Variants in PRELID3A observed in about 807,000 individuals in gnomAD.
PRELID3A encodes PRELI domain containing protein 3A.
In PRELID3A, 27 loss-of-function variants were observed where a neutral mutation model predicts 23.0. The observed-to-expected ratio is 1.17, with a 90% CI of 0.87 to 1.62. The LOEUF is 1.62. Ranked by LOEUF, PRELID3A falls within the 40% of genes most tolerant of loss-of-function variation. The pLI is 0.00. For synonymous variants in PRELID3A, 87 were observed against 86.4 expected, an observed-to-expected ratio of 1.01 and a Z score of -0.04; for missense variants, 231 against 231.4, an observed-to-expected ratio of 1.00 and a Z score of 0.01.
At chr18:12,413,210 G>C (rs142891291) in intron 1 of PRELID3A, among the ~76,000 whole-genome samples, 1 of 152,150 alleles carries the variant, frequency 6.6e-6, no homozygotes, top group Non-Finnish European at 1.5e-5. Flanking sequence ...GAGGCCTAGC[G>C]GGGGTAATCG....
At chr18:12,417,398 T>G (rs2029996531) in intron 1 of PRELID3A, among the ~76,000 whole-genome samples, 1 of 152,112 alleles carries the variant, frequency 6.6e-6, no homozygotes, top group African/African-American at 2.4e-5. Flanking sequence ...GGTGTTGAAC[T>G]CCTGACCTCA....
At chr18:12,409,905 G>A (rs371553344) in intron 1 of PRELID3A, among the ~76,000 whole-genome samples, 3 of 152,156 alleles carry the variant, frequency 2.0e-5, no homozygotes, top group African/African-American at 7.2e-5. Flanking sequence ...AATTCATTAA[G>A]TTTTGCTAAG....
chr18:12,426,697 C>T (rs2030391943), intron 3 of PRELID3A, among the ~76,000 whole-genome samples: 1 of 152,076 alleles, frequency 6.6e-6, no homozygotes, highest in South Asian at 2.1e-4. Context: ...CTGTGGGCTG[C>T]CATGGGTAGG....
At chr18:12,423,173 C>T (rs1483455454) in intron 3 of PRELID3A, among the ~76,000 whole-genome samples, 5 of 151,978 alleles carry the variant, frequency 3.3e-5, no homozygotes, top group Non-Finnish European at 7.4e-5. Context: ...AAACAGATGG[C>T]GTTAGAGACT....
At position 12,420,306 on chromosome 18, in the gene PRELID3A, G is replaced by T; in HGVS notation, c.33-19G>T. 1.3e-6 allele frequency: 2 copies of T among 1,587,962 alleles called. No individual in the cohort carries two copies. The highest frequency in any genetic ancestry group is 1.7e-6 in the Non-Finnish European group (2 of 1,167,794). ...CCGGCCCCGGCGCTTGCTCACCGCC[G>T]CCTATGCTCTCCCCGCAGCCACCCG... On this transcript the variant is annotated intron_variant, in intron 1 of 6. Transcript: ENST00000440960.
chr18:12,409,419 G>A (rs751123880), intron 1 of PRELID3A, among the ~76,000 whole-genome samples: 1 of 151,894 alleles, frequency 6.6e-6, no homozygotes, highest in Non-Finnish European at 1.5e-5. Flanking sequence ...CACCCGCCTC[G>A]GCCTCCCAAA....
intron 1 of PRELID3A, among the ~76,000 whole-genome samples, chr18:12,409,478 A>C (rs1909843601): frequency 6.6e-6 from 1 of 152,118 alleles, no homozygotes; most frequent in Non-Finnish European, 1.5e-5. Context: ...GACTTTAAAC[A>C]TGTAAAATTA....
chr18:12,428,975 A>G (rs902588077), intron 5 of PRELID3A, among the ~76,000 whole-genome samples: 1 of 152,168 alleles, frequency 6.6e-6, no homozygotes, highest in Non-Finnish European at 1.5e-5. Context: ...TTGTGCCTGG[A>G]AACAGCGGAG....
chr18:12,419,139 T>A (rs2030054657), intron 1 of PRELID3A, among the ~76,000 whole-genome samples: 1 of 149,890 alleles, frequency 6.7e-6, no homozygotes, highest in Non-Finnish European at 1.5e-5. Context: ...CTGGCCAACA[T>A]GGTGAAATCC....
At chr18:12,430,844 A>G (rs536069695) in intron 6 of PRELID3A, among the ~76,000 whole-genome samples, 543 of 136,436 alleles carry the variant, frequency 4.0e-3, no homozygotes, top group African/African-American at 0.014. Context: ...GTATGGGTGC[A>G]TGTGTGTGAG....
intron 3 of PRELID3A, among the ~76,000 whole-genome samples, chr18:12,426,381 C>T (rs1237838813): frequency 1.2e-3 from 174 of 150,136 alleles, no homozygotes; most frequent in South Asian, 2.4e-3. Flanking sequence ...GGTGAAACTC[C>T]GTCTCTACTA....
At chr18:12,414,095 G>T (rs2029880165) in intron 1 of PRELID3A, among the ~76,000 whole-genome samples, 1 of 152,056 alleles carries the variant, frequency 6.6e-6, no homozygotes, top group African/African-American at 2.4e-5. Flanking sequence ...AGAGACAGGG[G>T]CTCCCACTCA....
In PRELID3A at chr18:12,420,386, A is replaced by C; in HGVS notation, c.94A>C (p.Ser32Arg). The change falls in exon 2 of 7, where the codon AGC becomes CGC. Residue 32 changes from serine to arginine, a missense_variant. Transcript: ENST00000440960. ...MRKYPNPMNP[S>R]VLGVDVLQRR... ...CAAGTACCCGAACCCGATGAACCCG[A>C]GCGTGCTGGGCGTGGATGTGCTACA... is the stretch of plus-strand genomic sequence containing the variant. The C allele has an allele frequency of 6.2e-7, 1 of 1,610,896 alleles. No individual in the cohort carries two copies.
intron 3 of PRELID3A, 68 bp downstream of exon 3, chr18:12,421,697 T>C (rs1317493022): frequency 2.3e-5 from 24 of 1,026,466 alleles, no homozygotes; most frequent in Middle Eastern, 2.0e-4. Context: ...GGCCTTCGTT[T>C]AATTCTATTT....
At chr18:12,427,507 G>A (rs1443991077) in intron 5 of PRELID3A, among the ~76,000 whole-genome samples, 184 bp downstream of exon 5, 2 of 152,086 alleles carry the variant, frequency 1.3e-5, no homozygotes, top group East Asian at 3.9e-4. Flanking sequence ...GACCAGCCTG[G>A]CCAACATGCT....
chr18:12,408,017 G>A lies in PRELID3A; in HGVS notation c.32+10G>A, dbSNP rs757284589. ...CGGAGCACGTGTTTGGGTGAGGCCG[G>A]GCTGAGGGCCGCGGTGGGGCCGTCC... On this transcript the variant is annotated intron_variant, in intron 1 of 6. Transcript: ENST00000440960. The A allele has an allele frequency of 4.7e-6, 6 of 1,269,900 alleles. No homozygotes were observed. In the East Asian group the frequency reaches 1.3e-4, roughly 27 times the overall value. 78.7% of individuals were successfully genotyped at this position (1,269,900 alleles called of 1,614,324 possible).
chr18:12,410,412 A>C (rs928677134), intron 1 of PRELID3A, among the ~76,000 whole-genome samples: 10 of 152,204 alleles, frequency 6.6e-5, no homozygotes, highest in Non-Finnish European at 1.3e-4. Flanking sequence ...CAAATGTGGA[A>C]TGTGGCTGGC....
chr18:12,416,834 T>A (rs894496438), intron 1 of PRELID3A, among the ~76,000 whole-genome samples: 10 of 151,420 alleles, frequency 6.6e-5, no homozygotes, highest in African/African-American at 2.4e-4. Context: ...TTTAGTAGAG[T>A]CGGGGTTTCA....
In PRELID3A at chr18:12,429,985, T is replaced by C. The variant is rs540358549; in HGVS notation, c.*33+549T>C. Among the ~76,000 whole-genome samples the C allele has an allele frequency of 1.8e-3, 276 of 152,354 alleles. 1 individual carries two copies. Among genetic ancestry groups the C allele is most frequent in the African/African-American group, 6.4e-3 (267 of 41,588 alleles). ...TCAGCAGCTGGACTTCTAGTGGCCC[T>C]GCCCCGACGGCCAGCGGCCACCAGG... On this transcript the variant is annotated intron_variant, in intron 6 of 6. Transcript: ENST00000440960.
Sources: allele counts gnomAD v4.1 joint callset (sites outside exome capture counted in the v4.1 genomes callset), GRCh38; gene constraint gnomAD v4.1.1; transcripts MANE v1.5; gene names NCBI Gene and HGNC (gene_info 2026-07-23, HGNC 2026-07-21).